The following EMC8 variants were observed in gnomAD, a reference collection of about 807,000 sequenced individuals.
EMC8 encodes ER membrane protein complex subunit 8.
Under a neutral mutation model 24.3 loss-of-function variants are expected in EMC8, and 11 were observed. The observed-to-expected ratio is 0.45, with a 90% confidence interval of 0.28 to 0.75. The LOEUF (loss-of-function observed/expected upper bound fraction) is 0.75. Ranked by LOEUF, EMC8 falls within the 30% of genes least tolerant of loss-of-function variation. EMC8 has a pLI of 0.12. For missense variants in EMC8, 277 were observed against 282.7 expected (o/e 0.98, Z 0.14); for synonymous variants, 145 against 117.7 (o/e 1.23, Z -1.50).
chr16:85,797,846 A>T (rs1167579975), intron 1 of EMC8, among the ~76,000 whole-genome samples: 1 of 152,248 alleles, frequency 6.6e-6, no homozygotes, highest in African/African-American at 2.4e-5. Flanking sequence ...AAAAACAAAC[A>T]GCACCTCAGC....
intron 2 of EMC8, among the ~76,000 whole-genome samples, chr16:85,788,614 A>C (rs1012722542): frequency 6.6e-6 from 1 of 152,248 alleles, no homozygotes; most frequent in South Asian, 2.1e-4. Flanking sequence ...TTTACCGGCA[A>C]ATAGAGCAAC....
intron 2 of EMC8, among the ~76,000 whole-genome samples, chr16:85,787,888 C>T (rs1904824803): frequency 6.6e-6 from 1 of 152,180 alleles, no homozygotes; most frequent in African/African-American, 2.4e-5. Context: ...TCATCAGAAA[C>T]ACTGGTGCCT....
rs991164587 is a variant in EMC8 at position 85,780,360 on chromosome 16, C to T, written c.473+19G>A. 1.2e-5 allele frequency: 19 copies of T among 1,602,142 alleles called. No individual in the cohort carries two copies. Among genetic ancestry groups the T allele is most frequent in the Non-Finnish European group, 1.6e-5 (19 of 1,169,518 alleles). On this transcript the variant is annotated intron_variant, in intron 4 of 4. Coordinates refer to ENST00000253457, the MANE Select transcript of EMC8 (RefSeq NM_006067.5). Reference sequence around the variant, plus strand: ...CGCTGAAGGAGCCCAGCCCGCGCGGCAGCATGGGGCGCACTCACTGGTGTG... The same window carrying T: ...CGCTGAAGGAGCCCAGCCCGCGCGGTAGCATGGGGCGCACTCACTGGTGTG...
intron 3 of EMC8, 141 bp from the exon 4 acceptor site, chr16:85,780,614 G>A (rs1248972980): frequency 1.6e-6 from 1 of 641,962 alleles, no homozygotes. Flanking sequence ...TATGCAGAGT[G>A]GCGCGAGTGT....
chr16:85,794,093 G>A (rs955858892), intron 1 of EMC8, among the ~76,000 whole-genome samples: 2 of 152,160 alleles, frequency 1.3e-5, no homozygotes, highest in Non-Finnish European at 2.9e-5. Context: ...ATGAGAACAA[G>A]GCCTCATTTA....
chr16:85,797,553 A>T (rs1343378135), intron 1 of EMC8, among the ~76,000 whole-genome samples: 1 of 152,224 alleles, frequency 6.6e-6, no homozygotes, highest in Non-Finnish European at 1.5e-5. Context: ...AATCATCTGA[A>T]TCCTACCCGG....
rs370588990 is a variant in EMC8 at position 85,798,613 on chromosome 16, T to C, written c.231+452A>G. The stretch of plus-strand genomic sequence containing the variant: ...GTGTCTGAGCTCCGGGGTGCCCGAG[T>C]ACCGACAGCCAAAGAAGCATTTACA... On this transcript the variant is annotated intron_variant, in intron 1 of 4. Coordinates refer to ENST00000253457, the MANE Select transcript of EMC8 (RefSeq NM_006067.5). The C allele has an allele frequency of 1.5e-3, 241 of 161,526 alleles. 7 individuals carry two copies. In the South Asian group the frequency reaches 0.041, roughly 28 times the overall value. 10.0% of individuals were successfully genotyped at this position (161,526 alleles called of 1,614,324 possible). A position where few individuals can be genotyped will look rare whatever the true frequency, so the allele number is the denominator to read the frequency against.
chr16:85,789,501 A>C (rs186092146), intron 1 of EMC8, among the ~76,000 whole-genome samples: 1 of 152,178 alleles, frequency 6.6e-6, no homozygotes, highest in African/African-American at 2.4e-5. Flanking sequence ...TTTCAAAACA[A>C]GTCTTTTAGG....
At chr16:85,781,381 A>G (rs1323975835) in intron 2 of EMC8, 101 bp from the exon 3 acceptor site, 1 of 805,648 alleles carries the variant, frequency 1.2e-6, no homozygotes, top group Non-Finnish European at 2.2e-6. Flanking sequence ...AATGACAGAA[A>G]GACTGGCAGA....
chr16:85,780,134 A>C lies in EMC8; in HGVS notation c.473+245T>G, dbSNP rs16939689. 2.5e-3 allele frequency: 1,500 copies of C among 600,160 alleles called. 19 individuals are homozygous for C. The highest frequency in any genetic ancestry group is 0.024 in the African/African-American group (1,310 of 54,030). The allele number at this position is 600,160 out of a possible 1,614,324, so 37.2% of individuals were successfully genotyped here. A position where few individuals can be genotyped will look rare whatever the true frequency, so the allele number is the denominator to read the frequency against. ...TTCTGAGTGGCCACAGATACATCAAAGCACAGGCCTGGGAAGAGTGTCTGT... is the reference window on the plus strand; with the variant it reads ...TTCTGAGTGGCCACAGATACATCAACGCACAGGCCTGGGAAGAGTGTCTGT... On this transcript the variant is annotated intron_variant, in intron 4 of 4. Coordinates refer to ENST00000253457, the MANE Select transcript of EMC8 (RefSeq NM_006067.5).
chr16:85,789,676 C>A (rs1009869021), intron 1 of EMC8, among the ~76,000 whole-genome samples: 7 of 151,912 alleles, frequency 4.6e-5, no homozygotes, highest in Admixed American at 4.6e-4. Context: ...CTTGTCATCC[C>A]AGCTACTCGG....
At chr16:85,786,745 G>A (rs1484685181) in intron 2 of EMC8, among the ~76,000 whole-genome samples, 1 of 152,202 alleles carries the variant, frequency 6.6e-6, no homozygotes, top group African/African-American at 2.4e-5. Flanking sequence ...GGACATTCTA[G>A]AAGGAAGGTA....
chr16:85,796,217 C>A (rs1032289648), intron 1 of EMC8, among the ~76,000 whole-genome samples: 1 of 152,132 alleles, frequency 6.6e-6, no homozygotes, highest in Non-Finnish European at 1.5e-5. Context: ...ACCTCCCCTC[C>A]AGACCTGTTT....
At chr16:85,781,508 G>T in intron 2 of EMC8, 1 of 436,902 alleles carries the variant, frequency 2.3e-6, no homozygotes. Context: ...ATAGCCCACT[G>T]TAACCTCAAA....
chr16:85,780,347 C>A (rs753009659), intron 4 of EMC8, 32 bp downstream of exon 4: 5 of 1,568,170 alleles, frequency 3.2e-6, no homozygotes, highest in South Asian at 2.2e-5. Context: ...CTGAAGGAGC[C>A]CAGCCCGCGC....
intron 2 of EMC8, chr16:85,781,673 A>C (rs1904509655): frequency 1.2e-5 from 2 of 164,468 alleles, no homozygotes; most frequent in Non-Finnish European, 2.3e-5. Flanking sequence ...ACTGGTCTTC[A>C]ACTCCTGGCC....
intron 1 of EMC8, among the ~76,000 whole-genome samples, chr16:85,793,810 C>T (rs139707387): frequency 2.0e-5 from 3 of 152,244 alleles, no homozygotes; most frequent in Non-Finnish European, 2.9e-5. Context: ...AAGCTAATTT[C>T]CATACTAACA....
rs547696436 is a variant in EMC8 at position 85,780,201 on chromosome 16, G to C, written c.473+178C>G. 16 of 620,508 alleles carry C rather than the reference G, an allele frequency of 2.6e-5. No homozygotes were observed. In the African/African-American group the frequency reaches 2.9e-4, roughly 11 times the overall value. The allele number at this position is 620,508 out of a possible 1,614,324, so 38.4% of individuals were successfully genotyped here. A position where few individuals can be genotyped will look rare whatever the true frequency, so the allele number is the denominator to read the frequency against. ...TGGGAAGACCTGTGGGTACCACTGA[G>C]GTTCCCTCTACTGCCTGGAAGCGCT... On this transcript the variant is annotated intron_variant, in intron 4 of 4. Transcript: ENST00000253457.
intron 2 of EMC8, among the ~76,000 whole-genome samples, chr16:85,785,927 T>C (rs1318009884): frequency 6.6e-6 from 1 of 152,190 alleles, no homozygotes; most frequent in African/African-American, 2.4e-5. Flanking sequence ...AACCTACTCA[T>C]ATCAAATGCT....
Sources: gnomAD v4.1 joint callset for allele counts (sites outside exome capture counted in the v4.1 genomes callset) on GRCh38, gnomAD v4.1.1 for gene constraint, MANE v1.5 for transcripts, NCBI Gene and HGNC (gene_info 2026-07-23, HGNC 2026-07-21) for gene names.